FAM171B: variants seen among roughly 807,000 people sequenced by gnomAD.
The protein encoded by FAM171B is protein FAM171B.
In FAM171B, 19 loss-of-function variants were observed where a neutral mutation model predicts 75.6. That is an observed-to-expected ratio of 0.25 (90% CI 0.18 to 0.37). FAM171B has a LOEUF of 0.37. Among genes scored for constraint, FAM171B ranks in the 10% least tolerant of loss-of-function variants. FAM171B has a pLI of 1.00. For synonymous variants in FAM171B, 367 were observed against 361.7 expected (o/e 1.01, Z -0.17); for missense variants, 848 against 982.4 (o/e 0.86, Z 1.83).
chr2:186,736,568 GA>G (rs1200606029), intron 1 of FAM171B, among the ~76,000 whole-genome samples: 105 of 80,008 alleles, frequency 1.3e-3, no homozygotes, highest in East Asian at 0.012. Context: ...GTGTGTGTGG[GA>G]GAGAGAGAGA....
intron 6 of FAM171B, among the ~76,000 whole-genome samples, chr2:186,760,530 A>AT (rs1207052283): frequency 1.3e-5 from 2 of 152,050 alleles, no homozygotes; most frequent in African/African-American, 4.8e-5. Flanking sequence ...TATTTTACCA[A>AT]TTTTTTTGTT....
chr2:186,696,450 C>A lies in FAM171B; in HGVS notation c.238+2039C>A, dbSNP rs535467250. Among the ~76,000 whole-genome samples, 12 of 84,958 alleles carry A rather than the reference C, an allele frequency of 1.4e-4. No individual in the cohort carries two copies. The East Asian group carries it at 3.8e-3, about 27-fold the overall frequency. 55.7% of individuals were successfully genotyped at this position (84,958 alleles called of 152,430 possible). A position where few individuals can be genotyped will look rare whatever the true frequency, so the allele number is the denominator to read the frequency against. On this transcript the variant is annotated intron_variant, in intron 1 of 7. Coordinates refer to ENST00000304698, the MANE Select transcript of FAM171B (RefSeq NM_177454.4). ...CTGTCTGTTCTCCTCACACAGCTAG[C>A]GATCTTTAAAAAAAAAAAAAACATT... is the stretch of plus-strand genomic sequence containing the variant.
At chr2:186,730,807 T>A (rs1690103750) in intron 1 of FAM171B, among the ~76,000 whole-genome samples, 1 of 152,206 alleles carries the variant, frequency 6.6e-6, no homozygotes, top group African/African-American at 2.4e-5. Flanking sequence ...ACTGTACTTT[T>A]ACAAGGATGA....
chr2:186,701,099 T>G (rs151059810), intron 1 of FAM171B, among the ~76,000 whole-genome samples: 93 of 152,152 alleles, frequency 6.1e-4, no homozygotes, highest in Middle Eastern at 3.4e-3. Flanking sequence ...GTATTTTTTT[T>G]TAGTAGAGAC....
At chr2:186,718,693 G>T (rs369127973) in intron 1 of FAM171B, among the ~76,000 whole-genome samples, 1 of 152,106 alleles carries the variant, frequency 6.6e-6, no homozygotes, top group South Asian at 2.1e-4. Context: ...AATAGAAGCT[G>T]TTATGCCGTA....
intron 1 of FAM171B, among the ~76,000 whole-genome samples, chr2:186,696,009 TG>T (rs1574516590): frequency 6.6e-6 from 1 of 152,086 alleles, no homozygotes; most frequent in Non-Finnish European, 1.5e-5. Context: ...TATATATATA[TG>T]TTGTGATTAG....
intron 1 of FAM171B, among the ~76,000 whole-genome samples, chr2:186,729,947 T>C (rs1320537830): frequency 1.3e-5 from 2 of 151,834 alleles, no homozygotes; most frequent in Non-Finnish European, 2.9e-5. Flanking sequence ...TTTCGTTTTT[T>C]GTTTTTTGTT....
chr2:186,711,489 C>T (rs1488711698), intron 1 of FAM171B, among the ~76,000 whole-genome samples: 2 of 152,156 alleles, frequency 1.3e-5, no homozygotes, highest in African/African-American at 4.8e-5. Flanking sequence ...ACAGTCCCCA[C>T]CCTGAGGAGA....
At chr2:186,745,844 T>C (rs1690357774) in intron 3 of FAM171B, among the ~76,000 whole-genome samples, 1 of 152,262 alleles carries the variant, frequency 6.6e-6, no homozygotes, top group Non-Finnish European at 1.5e-5. Context: ...TCATAGGTAG[T>C]ACCTGTGAGT....
intron 6 of FAM171B, among the ~76,000 whole-genome samples, chr2:186,754,821 T>C (rs934751591): frequency 1.3e-5 from 2 of 152,128 alleles, no homozygotes; most frequent in South Asian, 2.1e-4. Flanking sequence ...CCTAAAAACA[T>C]TGAGTTTTTT....
At chr2:186,751,333 A>C in intron 5 of FAM171B, 29 bp downstream of exon 5, 3 of 1,462,492 alleles carry the variant, frequency 2.1e-6, no homozygotes, top group Non-Finnish European at 2.7e-6. Context: ...AATAGTCTGA[A>C]TATTTTACAT....
At position 186,762,746 on chromosome 2, in the gene FAM171B, C is replaced by A; in HGVS notation, c.2404C>A (p.Pro802Thr). The stretch of plus-strand genomic sequence containing the variant: ...ATCCCCCACTAAAAGAAGGGGCAGA[C>A]CACCACTAGCCAAAAGAGATAGCAA... The part of the protein sequence containing the change: ...NTSPTKRRGR[P>T]PLAKRDSKTN... The change falls in exon 8 of 8, where the codon CCA becomes ACA. Residue 802 changes from proline (P) to threonine (T), a missense_variant. Pro to Thr is a conservative substitution (Grantham distance 38). Transcript: ENST00000304698. The surrounding 1 kb of genome is among the most constrained non-coding windows in gnomAD (Gnocchi z 4.0). The A allele has an allele frequency of 6.2e-7, 1 of 1,613,240 alleles. No homozygotes were observed. The highest frequency in any genetic ancestry group is 1.3e-5 in the African/African-American group (1 of 74,908).
Position 186,729,097 on chromosome 2 carries a change from A to T in FAM171B, c.239-11131A>T, listed in dbSNP as rs116749007. On this transcript the variant is annotated intron_variant, in intron 1 of 7. Transcript: ENST00000304698. ...TTCTCACTACTTAACGATGCTTGTA[A>T]CCATCTGCTAAATAGTTAAATCTTC... is the stretch of plus-strand genomic sequence containing the variant. 9.6e-3 allele frequency among the ~76,000 whole-genome samples: 1,464 copies of T among 152,248 alleles called. 27 individuals carry two copies. The highest frequency in any genetic ancestry group is 0.033 in the African/African-American group (1,385 of 41,558).
intron 6 of FAM171B, among the ~76,000 whole-genome samples, chr2:186,759,620 T>G: frequency 6.6e-6 from 1 of 152,146 alleles, no homozygotes. Context: ...TATTCCTGTT[T>G]GCCATTTGTT....
At chr2:186,700,754 G>A (rs1379943371) in intron 1 of FAM171B, among the ~76,000 whole-genome samples, 1 of 152,064 alleles carries the variant, frequency 6.6e-6, no homozygotes, top group Non-Finnish European at 1.5e-5. Context: ...GCCTAGGAGT[G>A]GAATTGCTTG....
chr2:186,713,736 C>G (rs993430929), intron 1 of FAM171B, among the ~76,000 whole-genome samples: 2 of 152,052 alleles, frequency 1.3e-5, no homozygotes, highest in African/African-American at 2.4e-5. Flanking sequence ...TCTTTTAAAA[C>G]AACCTAGAAA....
At chr2:186,723,108 T>C (rs968101224) in intron 1 of FAM171B, among the ~76,000 whole-genome samples, 6 of 152,202 alleles carry the variant, frequency 3.9e-5, no homozygotes, top group African/African-American at 1.4e-4. Context: ...AGTCATTAAG[T>C]TGCAAAGGAG....
At chr2:186,706,972 C>T (rs10931254) in intron 1 of FAM171B, among the ~76,000 whole-genome samples, 25,147 of 151,870 alleles carry the variant, frequency 0.17, 2,216 homozygotes, top group Middle Eastern at 0.25. Flanking sequence ...AAAGTGGAAA[C>T]AAAATTTATT....
At chr2:186,709,587 C>A (rs1689782308) in intron 1 of FAM171B, among the ~76,000 whole-genome samples, 1 of 152,170 alleles carries the variant, frequency 6.6e-6, no homozygotes, top group South Asian at 2.1e-4. Context: ...GGGAGTGTCA[C>A]CATCTTGACC....
Sources: gnomAD v4.1 joint callset for allele counts (sites outside exome capture counted in the v4.1 genomes callset) on GRCh38, gnomAD v4.1.1 for gene constraint, Gnocchi (gnomAD v3.1) non-coding constraint, MANE v1.5 for transcripts, NCBI Gene and HGNC (gene_info 2026-07-23, HGNC 2026-07-21) for gene names.